The following RSRC2 variants were observed in gnomAD, a reference collection of about 807,000 sequenced individuals.
The protein encoded by RSRC2 is arginine and serine rich coiled-coil 2.
A neutral mutation model predicts 61.3 loss-of-function variants in RSRC2; 5 were observed. That is an observed-to-expected ratio of 0.08 (90% CI 0.04 to 0.17). The LOEUF (loss-of-function observed/expected upper bound fraction) is 0.17. RSRC2 is among the 10% of genes least tolerant of loss of function. The pLI is 1.00. For synonymous variants in RSRC2, 202 were observed against 166.5 expected (o/e 1.21, Z -1.64); for missense variants, 381 against 518.8 (o/e 0.73, Z 2.58).
intron 7 of RSRC2, among the ~76,000 whole-genome samples, chr12:122,508,768 C>A (rs958432114): frequency 6.6e-6 from 1 of 151,782 alleles, no homozygotes; most frequent in Non-Finnish European, 1.5e-5. Flanking sequence ...ACCAGCCTGA[C>A]CAACATGGAG....
intron 7 of RSRC2, among the ~76,000 whole-genome samples, chr12:122,510,073 T>C (rs1186289885): frequency 1.3e-5 from 2 of 152,262 alleles, no homozygotes; most frequent in East Asian, 1.9e-4. Flanking sequence ...CCACCTGCCT[T>C]GGCCTCCCAA....
chr12:122,526,864 C>T lies in RSRC2; in HGVS notation c.-11G>A. The T allele has an allele frequency of 6.2e-7, 1 of 1,614,230 alleles. No individual in the cohort carries two copies. The highest frequency in any genetic ancestry group is 8.5e-7 in the Non-Finnish European group (1 of 1,180,016). On this transcript the variant is annotated 5_prime_UTR_variant, in exon 1 of 10. Coordinates refer to ENST00000331738, the MANE Select transcript of RSRC2 (RefSeq NM_023012.6). ...GGTACCTACCGCCATAGTTCAGAGT[C>T]CCGGCCGCTAGAGCGGCGCCTCCAC...
rs1307555737 is a variant in RSRC2 at position 122,507,990 on chromosome 12, G to A, written c.1035+228C>T. ...TGATTTTTATCTTCTTTTCAGTAGA[G>A]ACAGGGTTTTGCCATGTTGGCCAGG... On this transcript the variant is annotated intron_variant, in intron 8 of 9. Coordinates refer to ENST00000331738, the MANE Select transcript of RSRC2 (RefSeq NM_023012.6). 6.9e-6 allele frequency: 4 copies of A among 579,064 alleles called. No individual in the cohort carries two copies. In the East Asian group the frequency reaches 1.2e-4, roughly 17 times the overall value. The allele number at this position is 579,064 out of a possible 1,614,324, so 35.9% of individuals were successfully genotyped here.
At chr12:122,508,517 C>A in intron 7 of RSRC2, 70 bp from the exon 8 acceptor site, 2 of 1,212,042 alleles carry the variant, frequency 1.7e-6, no homozygotes, top group Non-Finnish European at 1.2e-6. Flanking sequence ...TTTACATTAA[C>A]GAACGATTTA....
chr12:122,518,587 C>T (rs1235843751), intron 4 of RSRC2, among the ~76,000 whole-genome samples: 12 of 87,898 alleles, frequency 1.4e-4, no homozygotes, highest in African/African-American at 7.1e-4. Flanking sequence ...AGCAAGACTC[C>T]GTGTCAAAAA....
chr12:122,512,668 G>T (rs1165178407), intron 6 of RSRC2, among the ~76,000 whole-genome samples: 1 of 150,566 alleles, frequency 6.6e-6, no homozygotes, highest in Admixed American at 6.6e-5. Flanking sequence ...GGAGGCAGGG[G>T]TTGCAGTAAG....
At position 122,519,067 on chromosome 12, in the gene RSRC2, T is replaced by C. The variant is rs1374346620; in HGVS notation, c.208-38A>G. 4.5e-6 allele frequency: 7 copies of C among 1,571,918 alleles called. No individual in the cohort carries two copies. The Admixed American group carries it at 1.2e-4, about 26-fold the overall frequency. ...GAAGTTGGTTCTTTCAGGAAAATAGTGCAACAAAGAGAGTTAGTATGGGTA... is the reference window on the plus strand; with the variant it reads ...GAAGTTGGTTCTTTCAGGAAAATAGCGCAACAAAGAGAGTTAGTATGGGTA... On this transcript the variant is annotated intron_variant, in intron 3 of 9. Transcript: ENST00000331738.
intron 3 of RSRC2, 60 bp from the exon 4 acceptor site, chr12:122,519,089 G>C (rs779236903): frequency 1.4e-6 from 2 of 1,380,654 alleles, no homozygotes; most frequent in South Asian, 1.2e-5. Context: ...AGTTAGTATG[G>C]GTATCAGTAG....
intron 7 of RSRC2, 56 bp from the exon 8 acceptor site, chr12:122,508,503 C>T (rs1958268583): frequency 7.5e-7 from 1 of 1,330,070 alleles, no homozygotes; most frequent in South Asian, 1.3e-5. Flanking sequence ...CATAAACCTC[C>T]TGATTTACAT....
At chr12:122,507,010 A>G (rs1432408881) in intron 8 of RSRC2, 87 bp from the exon 9 acceptor site, 2 of 729,792 alleles carry the variant, frequency 2.7e-6, no homozygotes, top group East Asian at 2.7e-5. Context: ...AAATTAAAAA[A>G]AAAAACACCA....
intron 1 of RSRC2, among the ~76,000 whole-genome samples, chr12:122,525,513 G>A (rs1328472952): frequency 6.8e-6 from 1 of 146,266 alleles, no homozygotes; most frequent in African/African-American, 2.8e-5. Flanking sequence ...AGAGGGGTAT[G>A]GGGGAAAAAG....
Position 122,504,799 on chromosome 12 carries a change from CAT to C in RSRC2, c.*726_*727del, listed in dbSNP as rs1958020615. 6.6e-6 allele frequency: 1 copy of C among 152,638 alleles called. No individual in the cohort carries two copies. Among genetic ancestry groups the C allele is most frequent in the Non-Finnish European group, 1.5e-5 (1 of 68,046 alleles). The allele number at this position is 152,638 out of a possible 1,614,324, so 9.5% of individuals were successfully genotyped here. Reference sequence around the variant, plus strand: ...GCATTAATCTATCTCCTGAATAACACATGTAATATTTGACAAATACTGAATAC... The same window carrying C: ...GCATTAATCTATCTCCTGAATAACACGTAATATTTGACAAATACTGAATAC... On this transcript the variant is annotated 3_prime_UTR_variant, in exon 10 of 10. Coordinates refer to ENST00000331738, the MANE Select transcript of RSRC2 (RefSeq NM_023012.6).
chr12:122,505,122 C>G lies in RSRC2; in HGVS notation c.*405G>C, dbSNP rs1457541645. 2 of 156,076 alleles carry G rather than the reference C, an allele frequency of 1.3e-5. No individual in the cohort carries two copies. The highest frequency in any genetic ancestry group is 4.8e-5 in the African/African-American group (2 of 41,544). 9.7% of individuals were successfully genotyped at this position (156,076 alleles called of 1,614,324 possible). ...CTGTGCTGGATTATGTACCAAATGGCCAGATCTTCTAAAGAACATCTACAT... is the reference window on the plus strand; with the variant it reads ...CTGTGCTGGATTATGTACCAAATGGGCAGATCTTCTAAAGAACATCTACAT... On this transcript the variant is annotated 3_prime_UTR_variant, in exon 10 of 10. Coordinates refer to ENST00000331738, the MANE Select transcript of RSRC2 (RefSeq NM_023012.6).
intron 5 of RSRC2, among the ~76,000 whole-genome samples, chr12:122,515,889 T>G (rs1174870948): frequency 1.3e-5 from 2 of 152,094 alleles, no homozygotes; most frequent in African/African-American, 4.8e-5. Flanking sequence ...CTCGGGAGGC[T>G]GAGGCAGGAA....
intron 3 of RSRC2, chr12:122,520,174 T>G (rs1206039549): frequency 4.9e-6 from 1 of 206,164 alleles, no homozygotes. Context: ...ACTTGGCCAA[T>G]CATTTTGGAA....
intron 6 of RSRC2, chr12:122,514,566 G>GA: frequency 9.8e-7 from 1 of 1,025,000 alleles, no homozygotes; most frequent in Non-Finnish European, 1.2e-6. Context: ...GCACCCGGCC[G>GA]AAACAGCAGA....
Position 122,515,101 on chromosome 12 carries a change from A to AC in RSRC2, c.725+3dup. The AC allele has an allele frequency of 6.2e-7, 1 of 1,612,278 alleles. No individual in the cohort carries two copies. On this transcript the variant is annotated splice_donor_region_variant and intron_variant, in intron 6 of 9. Coordinates refer to ENST00000331738, the MANE Select transcript of RSRC2 (RefSeq NM_023012.6). ...GGAACAAATGAATTAAGAAATATAC[A>AC]CACCTTCTAGCTAAAGCTTCCTGTG...
At chr12:122,526,457 T>C (rs1330557701) in intron 1 of RSRC2, among the ~76,000 whole-genome samples, 1 of 152,068 alleles carries the variant, frequency 6.6e-6, no homozygotes, top group African/African-American at 2.4e-5. Flanking sequence ...CCAATACTTT[T>C]CAGAGACCAC....
Position 122,504,171 on chromosome 12 carries a change from G to A in RSRC2, c.*1356C>T, listed in dbSNP as rs1177059323. On this transcript the variant is annotated 3_prime_UTR_variant, in exon 10 of 10. Coordinates refer to ENST00000331738, the MANE Select transcript of RSRC2 (RefSeq NM_023012.6). ...TAAGGCTGTCAATCTTATTCCTGTA[G>A]TCTTCCCTGATTGTAATGTGCTCTC... 1 of 152,154 alleles carries A rather than the reference G, an allele frequency of 6.6e-6. No homozygotes were observed. The highest frequency in any genetic ancestry group is 1.5e-5 in the Non-Finnish European group (1 of 68,042). 9.4% of individuals were successfully genotyped at this position (152,154 alleles called of 1,614,324 possible).
Sources: allele counts gnomAD v4.1 joint callset (sites outside exome capture counted in the v4.1 genomes callset), GRCh38; gene constraint gnomAD v4.1.1; transcripts MANE v1.5; gene names NCBI Gene and HGNC (gene_info 2026-07-23, HGNC 2026-07-21).